The following NAGK variants were observed in gnomAD, a reference collection of about 807,000 sequenced individuals.
NAGK encodes N-acetyl-D-glucosamine kinase.
NAGK carries 35 observed loss-of-function variants against 42.9 expected under a neutral mutation model. The observed-to-expected ratio is 0.82, with a 90% CI of 0.62 to 1.08. NAGK has a LOEUF of 1.08. Among genes scored for constraint, NAGK ranks in the 50% least tolerant of loss-of-function variants. NAGK has a pLI of 0.00. For missense variants in NAGK, 446 were observed against 446.0 expected (o/e 1.00, Z 0.00); for synonymous variants, 172 against 176.0 (o/e 0.98, Z 0.18).
At chr2:71,071,022 T>C (rs1402734337) in intron 3 of NAGK, 183 bp downstream of exon 3, 1 of 632,868 alleles carries the variant, frequency 1.6e-6, no homozygotes. Flanking sequence ...ACTACAAATG[T>C]GTTGGAAGAG....
At chr2:71,068,421 C>T (rs913147578), upstream of NAGK, 22 of 1,285,656 alleles carry the variant, frequency 1.7e-5, no homozygotes, top group Non-Finnish European at 4.0e-6. Context: ...TCTCTGGAAG[C>T]AGGATCCAGG....
chr2:71,075,479 G>A (rs1328626430), intron 6 of NAGK, 76 bp from the exon 7 acceptor site: 1 of 1,164,562 alleles, frequency 8.6e-7, no homozygotes, highest in Non-Finnish European at 1.3e-6. Flanking sequence ...GAGACATTAG[G>A]AAGGCCAACT....
intron 3 of NAGK, 79 bp from the exon 4 acceptor site, chr2:71,071,607 G>A (rs1281033199): frequency 1.3e-6 from 2 of 1,501,802 alleles, no homozygotes; most frequent in Non-Finnish European, 8.9e-7. Flanking sequence ...ACAGGAATCA[G>A]GCATCAGGAG....
chr2:71,068,585 G>T (rs748318330), upstream of NAGK: 6 of 1,521,462 alleles, frequency 3.9e-6, no homozygotes, highest in Middle Eastern at 2.1e-4. Flanking sequence ...TGCGCGGGAG[G>T]TCACGGGAAG....
upstream of NAGK, chr2:71,068,531 C>A (rs368862856): frequency 1.4e-6 from 2 of 1,459,662 alleles, no homozygotes; most frequent in Non-Finnish European, 1.8e-6. Flanking sequence ...CTCCTACCGG[C>A]GCCCCGCCCC....
chr2:71,078,244 G>C, intron 9 of NAGK, 74 bp from the exon 10 acceptor site: 2 of 1,482,502 alleles, frequency 1.3e-6, no homozygotes, highest in East Asian at 2.3e-5. Context: ...GGGCGTCCTT[G>C]TCTGTCTTCC....
chr2:71,073,867 A>G (rs1672119190), intron 6 of NAGK, among the ~76,000 whole-genome samples: 1 of 152,168 alleles, frequency 6.6e-6, no homozygotes, highest in African/African-American at 2.4e-5. Flanking sequence ...GGGCAGCTAG[A>G]ACCTGCTGGG....
At chr2:71,077,946 G>A (rs1269368956) in intron 9 of NAGK, among the ~76,000 whole-genome samples, 4 of 152,224 alleles carry the variant, frequency 2.6e-5, no homozygotes, top group Non-Finnish European at 5.9e-5. Flanking sequence ...GTGATAACCT[G>A]GGGGACATCC....
At chr2:71,073,969 G>A (rs1473526345) in intron 6 of NAGK, among the ~76,000 whole-genome samples, 1 of 152,154 alleles carries the variant, frequency 6.6e-6, no homozygotes, top group Non-Finnish European at 1.5e-5. Flanking sequence ...TGTGTGCACT[G>A]GGCTGTGAGC....
chr2:71,068,373 T>C (rs770930950), upstream of NAGK: 108 of 964,056 alleles, frequency 1.1e-4, no homozygotes, highest in Non-Finnish European at 6.7e-5. Context: ...CCGACCTAGA[T>C]ACCCCTCTTT....
At position 71,075,565 on chromosome 2, in the gene NAGK, G is replaced by A. The variant is rs757025522; in HGVS notation, c.590G>A (p.Arg197Gln). ...CCTTTCTCCTCTCAGGTGCCAGATC[G>A]GCTAGGGATACTCACTCACCTGTAT... ...AMFHYFQVPD[R>Q]LGILTHLYRD... The change falls in exon 7 of 10, where the codon CGG (arginine) becomes CAG (glutamine). Residue 197 changes from arginine to glutamine, a missense_variant. By Grantham distance (43) the Arg-to-Gln change is conservative (BLOSUM62 1). Coordinates refer to ENST00000244204, the MANE Select transcript of NAGK (RefSeq NM_017567.6). The A allele has an allele frequency of 8.7e-6, 14 of 1,613,554 alleles. No homozygotes were observed. Among genetic ancestry groups the A allele is most frequent in the Middle Eastern group, 1.6e-4 (1 of 6,084 alleles).
At position 71,072,982 on chromosome 2, in the gene NAGK, C is replaced by A. The variant is rs115328847; in HGVS notation, c.466+231C>A. The A allele has an allele frequency of 2.1e-3, 1,232 of 583,176 alleles. 6 individuals carry two copies. Among genetic ancestry groups the A allele is most frequent in the Middle Eastern group, 3.6e-3 (8 of 2,230 alleles). The allele number at this position is 583,176 out of a possible 1,614,324, so 36.1% of individuals were successfully genotyped here. ...ACTTGCACCCAGGACTCAGATTCAT[C>A]CCTCAGCACAGGGGCCTGCCTGTGT... is the stretch of plus-strand genomic sequence containing the variant. On this transcript the variant is annotated intron_variant, in intron 5 of 9. Coordinates refer to ENST00000244204, the MANE Select transcript of NAGK (RefSeq NM_017567.6).
chr2:71,070,460 G>C, intron 1 of NAGK, 42 bp from the exon 2 acceptor site: 1 of 1,554,414 alleles, frequency 6.4e-7, no homozygotes, highest in South Asian at 1.1e-5. Flanking sequence ...TCTCTCTGTG[G>C]GTTTTTCCGA....
intron 1 of NAGK, 125 bp from the exon 2 acceptor site, chr2:71,070,377 T>G (rs1572974868): frequency 1.0e-5 from 7 of 677,168 alleles, no homozygotes; most frequent in East Asian, 2.9e-5. Flanking sequence ...GGTTTGGGAG[T>G]GGTGATTGAG....
chr2:71,072,546 C>A, intron 4 of NAGK, 95 bp from the exon 5 acceptor site: 2 of 1,010,910 alleles, frequency 2.0e-6, no homozygotes, highest in Non-Finnish European at 3.0e-6. Context: ...GATTCCCTTG[C>A]CTGGGGCTGT....
At chr2:71,076,290 A>G (rs1672208029) in intron 7 of NAGK, 2 of 239,074 alleles carry the variant, frequency 8.4e-6, no homozygotes, top group South Asian at 1.1e-4. Context: ...GAACAGACTT[A>G]CAGTAACTCA....
At chr2:71,068,598 G>T (rs772400715), upstream of NAGK, 48 of 1,523,746 alleles carry the variant, frequency 3.2e-5, no homozygotes, top group Non-Finnish European at 4.1e-5. Context: ...ACGGGAAGTG[G>T]GGCGGTGCCC....
At position 71,070,520 on chromosome 2, in the gene NAGK, G is replaced by C. The variant is rs1333441297; in HGVS notation, c.48G>C (p.Glu16Asp). Residue 16 changes from glutamate to aspartate, a missense_variant, in exon 2 of 10, where the codon GAG (glutamate) becomes GAC (aspartate). By Grantham distance (45) the Glu-to-Asp change is conservative. Coordinates refer to ENST00000244204, the MANE Select transcript of NAGK (RefSeq NM_017567.6). ...TCTGTAGGGGAGGCACACGATCCGA[G>C]GTCCTTTTAGTCTCAGAGGATGGGA... Reference protein sequence around the residue: ...GGVEGGGTRSEVLLVSEDGKI... With the variant: ...GGVEGGGTRSDVLLVSEDGKI... 2 of 1,614,012 alleles carry C rather than the reference G, an allele frequency of 1.2e-6. No homozygotes were observed. The highest frequency in any genetic ancestry group is 1.7e-5 in the Admixed American group (1 of 60,022).
Position 71,075,615 on chromosome 2 carries a change from G to A in NAGK, c.640G>A (p.Ala214Thr), listed in dbSNP as rs927411252. ...TAGGGACTTTGATAAATGCAGGTTT[G>A]CTGGGTTTTGCCGGAAAATTGCAGA... The part of the protein sequence containing the change: ...LYRDFDKCRF[A>T]GFCRKIAEGA... The change falls in exon 7 of 10, where the codon GCT becomes ACT. Residue 214 changes from alanine (A) to threonine (T), a missense_variant. Coordinates refer to ENST00000244204, the MANE Select transcript of NAGK (RefSeq NM_017567.6). The A allele has an allele frequency of 9.3e-6, 15 of 1,613,950 alleles. No homozygotes were observed.
Sources: gnomAD v4.1 joint callset for allele counts (sites outside exome capture counted in the v4.1 genomes callset) on GRCh38, gnomAD v4.1.1 for gene constraint, MANE v1.5 for transcripts, NCBI Gene and HGNC (gene_info 2026-07-23, HGNC 2026-07-21) for gene names.